KMT2C: variants seen among roughly 807,000 people sequenced by gnomAD.
KMT2C encodes lysine methyltransferase 2C.
A neutral mutation model predicts 507.9 loss-of-function variants in KMT2C; 88 were observed. The ratio of observed to expected loss-of-function variants is 0.17; its 90% CI spans 0.15 to 0.21. The LOEUF (loss-of-function observed/expected upper bound fraction) is 0.21, where lower values mean the gene tolerates loss of function less well. KMT2C is among the 10% of genes least tolerant of loss of function. KMT2C has a pLI of 1.00. For missense variants in KMT2C, 4,954 were observed against 5,957.8 expected (o/e 0.83, Z 5.55); for synonymous variants, 2,049 against 2,080.8 (o/e 0.98, Z 0.42).
chr7:152,338,225 T>C (rs10249694), intron 2 of KMT2C, among the ~76,000 whole-genome samples: 16,375 of 152,160 alleles, frequency 0.11, 2,102 homozygotes, highest in African/African-American at 0.31. Context: ...TGAGAATTAA[T>C]GAGAATAAAG....
chr7:152,171,428 G>C, intron 39 of KMT2C, 86 bp from the exon 40 acceptor site: 1 of 832,104 alleles, frequency 1.2e-6, no homozygotes, highest in Admixed American at 3.1e-5. Context: ...GTGCTTAACA[G>C]TTTTCTCTTC....
chr7:152,176,005 T>C (rs1262867835), intron 38 of KMT2C, among the ~76,000 whole-genome samples, 186 bp downstream of exon 38: 1 of 152,190 alleles, frequency 6.6e-6, no homozygotes, highest in African/African-American at 2.4e-5. Flanking sequence ...ATCGCGCCAC[T>C]GCACTCCATC....
At chr7:152,247,483 T>C (rs1290220808) in intron 14 of KMT2C, among the ~76,000 whole-genome samples, 1 of 152,290 alleles carries the variant, frequency 6.6e-6, no homozygotes, top group Non-Finnish European at 1.5e-5. Flanking sequence ...ATGTTGATGT[T>C]TATCCAGTTA....
At chr7:152,219,355 C>CT (rs1450139730) in intron 23 of KMT2C, among the ~76,000 whole-genome samples, 1 of 152,002 alleles carries the variant, frequency 6.6e-6, no homozygotes, top group Non-Finnish European at 1.5e-5. Context: ...GTTGGGTTAC[C>CT]TAACATTAAA....
intron 2 of KMT2C, among the ~76,000 whole-genome samples, chr7:152,355,115 C>A (rs1039677959): frequency 3.3e-5 from 5 of 152,084 alleles, no homozygotes; most frequent in African/African-American, 1.2e-4. Context: ...CTCCAGTGGG[C>A]TGGATGTCTA....
intron 1 of KMT2C, among the ~76,000 whole-genome samples, chr7:152,432,867 C>G (rs1348164079): frequency 4.6e-5 from 7 of 152,090 alleles, no homozygotes; most frequent in African/African-American, 7.2e-5. Flanking sequence ...ATCTTCTCAG[C>G]GGGGTGCGGT....
At chr7:152,213,299 T>C (rs2094497248) in intron 23 of KMT2C, among the ~76,000 whole-genome samples, 1 of 152,228 alleles carries the variant, frequency 6.6e-6, no homozygotes, top group African/African-American at 2.4e-5. Flanking sequence ...GGTATCACAC[T>C]ACCTGATTTC....
At chr7:152,318,989 G>A (rs550724339) in intron 3 of KMT2C, among the ~76,000 whole-genome samples, 33 of 152,070 alleles carry the variant, frequency 2.2e-4, no homozygotes, top group Admixed American at 3.9e-4. Context: ...GAAATGCTCC[G>A]AAATTCAAAA....
intron 14 of KMT2C, among the ~76,000 whole-genome samples, chr7:152,247,631 G>A (rs1440893448): frequency 6.6e-6 from 1 of 152,288 alleles, no homozygotes; most frequent in Non-Finnish European, 1.5e-5. Flanking sequence ...AATTTTTAAA[G>A]TTCTTTCTAT....
chr7:152,183,874 C>A (rs1268882036), intron 34 of KMT2C, among the ~76,000 whole-genome samples: 2 of 149,728 alleles, frequency 1.3e-5, no homozygotes, highest in Non-Finnish European at 3.0e-5. Context: ...CCAGCCTGGG[C>A]AACAAGAGCA....
intron 23 of KMT2C, among the ~76,000 whole-genome samples, chr7:152,216,047 T>TC (rs1487466629): frequency 6.6e-6 from 1 of 152,138 alleles, no homozygotes; most frequent in Non-Finnish European, 1.5e-5. Context: ...GCCAGTCCCC[T>TC]CCCTCCATTC....
intron 9 of KMT2C, among the ~76,000 whole-genome samples, chr7:152,255,778 A>G (rs976224565): frequency 1.1e-4 from 16 of 152,200 alleles, no homozygotes; most frequent in African/African-American, 3.9e-4. Flanking sequence ...CTTTTTAATG[A>G]ATGGTTTTTA....
rs139258693 is a variant in KMT2C at position 152,187,297 on chromosome 7, T to C, written c.4973A>G (p.Asn1658Ser). 2 of 1,614,098 alleles carry C rather than the reference T, an allele frequency of 1.2e-6. No individual in the cohort carries two copies. The highest frequency in any genetic ancestry group is 1.6e-4 in the Middle Eastern group (1 of 6,062). ...TTCCTTTAAGTTGGGGAAATTAATA[T>C]TGGTGTAGAGAACTGGGGCAACAGT... is the stretch of plus-strand genomic sequence containing the variant. ...MATVAPVLYTNINFPNLKEEF... is the reference protein window; with the variant it reads ...MATVAPVLYTSINFPNLKEEF... The change falls in exon 33 of 59, where the codon AAT (asparagine) becomes AGT (serine). Residue 1658 changes from asparagine (N) to serine (S), a missense_variant. Asn to Ser is a conservative substitution (Grantham distance 46, BLOSUM62 1). Coordinates refer to ENST00000262189, the MANE Select transcript of KMT2C (RefSeq NM_170606.3).
chr7:152,201,595 A>G (rs1423892675), intron 26 of KMT2C, among the ~76,000 whole-genome samples: 4 of 142,424 alleles, frequency 2.8e-5, no homozygotes, highest in Non-Finnish European at 3.0e-5. Context: ...AGGGAATCCC[A>G]GGAGAAAACA....
Position 152,402,570 on chromosome 7 carries a change from C to CAA in KMT2C, c.161+33054_161+33055dup, listed in dbSNP as rs10708749. On this transcript the variant is annotated intron_variant, in intron 1 of 58. Transcript: ENST00000262189. ...ATGACTAAGACCTCAAAAGCACAAG[C>CAA]AAAAAAAAAAAAAACAAAAATAGAC... Among the ~76,000 whole-genome samples, 5 of 150,366 alleles carry CAA rather than the reference C, an allele frequency of 3.3e-5. 1 individual carries two copies. Among genetic ancestry groups the CAA allele is most frequent in the African/African-American group, 1.2e-4 (5 of 40,600 alleles).
intron 51 of KMT2C, 62 bp from the exon 52 acceptor site, chr7:152,149,214 T>C (rs2091404074): frequency 7.0e-7 from 1 of 1,429,928 alleles, no homozygotes; most frequent in African/African-American, 1.4e-5. Context: ...AAGCAATTCT[T>C]GTTAAGACAA....
chr7:152,346,310 T>TA (rs2097057089), intron 2 of KMT2C, among the ~76,000 whole-genome samples: 2 of 152,160 alleles, frequency 1.3e-5, no homozygotes, highest in South Asian at 2.1e-4. Context: ...ATGGGACACT[T>TA]ACAAGGTAGA....
At chr7:152,369,511 C>G (rs1462922738) in intron 1 of KMT2C, among the ~76,000 whole-genome samples, 1 of 152,078 alleles carries the variant, frequency 6.6e-6, no homozygotes, top group East Asian at 1.9e-4. Context: ...TTGTCCTCAC[C>G]AAATCTCATG....
chr7:152,221,305 T>C (rs1448807214), intron 22 of KMT2C, among the ~76,000 whole-genome samples: 1 of 152,188 alleles, frequency 6.6e-6, no homozygotes, highest in African/African-American at 2.4e-5. Context: ...TAAAAAGAGT[T>C]AGAAGCACTG....
Sources: gnomAD v4.1 joint callset for allele counts (sites outside exome capture counted in the v4.1 genomes callset) on GRCh38, gnomAD v4.1.1 for gene constraint, MANE v1.5 for transcripts, NCBI Gene and HGNC (gene_info 2026-07-23, HGNC 2026-07-21) for gene names.